PSMD6: variants seen among roughly 807,000 people sequenced by gnomAD.
The protein encoded by PSMD6 is 26S proteasome non-ATPase regulatory subunit 6.
In PSMD6, 7 loss-of-function variants were observed where a neutral mutation model predicts 44.9. The ratio of observed to expected loss-of-function variants is 0.16; its 90% confidence interval spans 0.09 to 0.29. The LOEUF (loss-of-function observed/expected upper bound fraction) is 0.29, where lower values mean the gene tolerates loss of function less well. Ranked by LOEUF, PSMD6 falls within the 10% of genes least tolerant of loss-of-function variation. PSMD6 has a pLI of 1.00. For missense variants in PSMD6, 420 were observed against 482.6 expected (o/e 0.87, Z 1.21); for synonymous variants, 184 against 172.7 (o/e 1.07, Z -0.51).
In PSMD6 at chr3:64,011,198, A is replaced by G. The variant is rs7636674; in HGVS notation, c.996-243T>C. ...AGATAGAAAGTAGATCAAACAATGA[A>G]ACCATATGTACTCAGAGAAAAACTG... On this transcript the variant is annotated intron_variant, in intron 6 of 7. Coordinates refer to ENST00000295901, the MANE Select transcript of PSMD6 (RefSeq NM_014814.3). 3.3e-3 allele frequency: 1,200 copies of G among 365,118 alleles called. 15 individuals are homozygous for G. The highest frequency in any genetic ancestry group is 0.023 in the African/African-American group (1,112 of 47,516). The allele number at this position is 365,118 out of a possible 1,614,324, so 22.6% of individuals were successfully genotyped here.
intron 6 of PSMD6, chr3:64,012,722 T>G (rs933711137): frequency 6.6e-6 from 1 of 152,342 alleles, no homozygotes; most frequent in African/African-American, 2.4e-5. Flanking sequence ...CTTAGCCTTT[T>G]CTATTCCCTT....
intron 3 of PSMD6, 104 bp downstream of exon 3, chr3:64,019,192 G>T (rs542981562): frequency 1.4e-5 from 20 of 1,428,140 alleles, no homozygotes; most frequent in Middle Eastern, 2.0e-4. Flanking sequence ...TCAATTATTT[G>T]ACCAAACTTA....
rs1576035437 is a variant in PSMD6, at chr3:64,019,644, T to TA, written c.352-204dup. On this transcript the variant is annotated intron_variant, in intron 2 of 7. Transcript: ENST00000295901. ...CTACTTTCTCTACCTGTATAAAGTT[T>TA]AAAAAATACATAAGAAATGCCCAAG... is the stretch of plus-strand genomic sequence containing the variant. The TA allele has an allele frequency of 2.3e-5, 11 of 475,510 alleles. No individual in the cohort carries two copies. In the South Asian group the frequency reaches 5.7e-4, roughly 25 times the overall value. 29.5% of individuals were successfully genotyped at this position (475,510 alleles called of 1,614,324 possible).
intron 2 of PSMD6, among the ~76,000 whole-genome samples, chr3:64,020,297 G>A (rs898760589): frequency 2.0e-5 from 3 of 152,068 alleles, no homozygotes; most frequent in Non-Finnish European, 4.4e-5. Flanking sequence ...AGTCCATTAA[G>A]TATTTAGTAA....
Position 64,018,611 on chromosome 3 carries a change from A to G in PSMD6, c.814T>C (p.Phe272Leu). The change falls in exon 5 of 8, where the codon TTC (phenylalanine) becomes CTC (leucine). Residue 272 changes from phenylalanine to leucine, a missense_variant. Phe to Leu is a conservative substitution (Grantham distance 22). Transcript: ENST00000295901. ...ACCCTATCCTTACCTAATGATTGGA[A>G]GAAAACAGAGTAACGGCATTCATAG... is the stretch of plus-strand genomic sequence containing the variant. Reference protein sequence around the residue: ...SLYECRYSVFFQSLAVVEQEM... With the variant: ...SLYECRYSVFLQSLAVVEQEM... 1.3e-6 allele frequency: 2 copies of G among 1,566,492 alleles called. No individual in the cohort carries two copies. Among genetic ancestry groups the G allele is most frequent in the South Asian group, 2.2e-5 (2 of 89,868 alleles).
intron 6 of PSMD6, 168 bp from the exon 7 acceptor site, chr3:64,011,123 A>AAG: frequency 1.9e-6 from 1 of 538,958 alleles, no homozygotes. Context: ...TGCAGGCTTT[A>AAG]AGTCATCATC....
At chr3:64,023,497 CGAA>C, upstream of PSMD6, 1 of 1,451,510 alleles carries the variant, frequency 6.9e-7, no homozygotes, top group Non-Finnish European at 9.1e-7. Flanking sequence ...GAGGAGTCGG[CGAA>C]TACGCCCGGC....
At chr3:64,021,477 G>A (rs2076130455) in intron 2 of PSMD6, among the ~76,000 whole-genome samples, 1 of 152,098 alleles carries the variant, frequency 6.6e-6, no homozygotes, top group African/African-American at 2.4e-5. Flanking sequence ...TTCTTTCATT[G>A]AGCATTTATA....
At chr3:64,019,069 G>T (rs761674688) in intron 3 of PSMD6, 32 bp from the exon 4 acceptor site, 2 of 1,552,948 alleles carry the variant, frequency 1.3e-6, no homozygotes, top group Non-Finnish European at 1.8e-6. Flanking sequence ...ATCATAGTCT[G>T]GAAACAGACA....
intron 2 of PSMD6, among the ~76,000 whole-genome samples, chr3:64,020,883 C>G (rs915593263): frequency 2.0e-5 from 3 of 152,106 alleles, no homozygotes; most frequent in Admixed American, 1.3e-4. Flanking sequence ...CCATGTCATT[C>G]TATACCTAAA....
chr3:64,023,882 T>A, upstream of PSMD6: 3 of 1,419,896 alleles, frequency 2.1e-6, no homozygotes, highest in Non-Finnish European at 2.9e-6. Flanking sequence ...ATTAGCCTAT[T>A]TAGTAGGTAA....
At chr3:64,022,817 G>A in intron 1 of PSMD6, 1 of 1,536,006 alleles carries the variant, frequency 6.5e-7, no homozygotes, top group Non-Finnish European at 8.7e-7. Flanking sequence ...AACAGGGAAA[G>A]ACTTTTTATA....
At chr3:64,018,461 T>C in intron 5 of PSMD6, 138 bp downstream of exon 5, 1 of 636,016 alleles carries the variant, frequency 1.6e-6, no homozygotes, top group Non-Finnish European at 2.7e-6. Flanking sequence ...CTGGGCACAT[T>C]AGGAATACTG....
At position 64,013,533 on chromosome 3, in the gene PSMD6, T is replaced by C; in HGVS notation, c.901A>G (p.Ile301Val). 1.2e-6 allele frequency: 2 copies of C among 1,613,684 alleles called. No homozygotes were observed. The highest frequency in any genetic ancestry group is 1.7e-6 in the Non-Finnish European group (2 of 1,179,712). Residue 301 changes from isoleucine to valine, a missense_variant, in exon 6 of 8, where the codon ATT becomes GTT. Coordinates refer to ENST00000295901, the MANE Select transcript of PSMD6 (RefSeq NM_014814.3). ...TCCAGCAGCTGACTGTATGCATGAA[T>C]TCTCATTTCTCTTACATAGTATCGA... is the stretch of plus-strand genomic sequence containing the variant. ...HYRYYVREMR[I>V]HAYSQLLESY...
chr3:64,014,062 G>C (rs1263353935), intron 5 of PSMD6: 2 of 152,744 alleles, frequency 1.3e-5, no homozygotes, highest in Non-Finnish European at 2.9e-5. Flanking sequence ...AGAAAGCAAA[G>C]ACTGATGACT....
intron 2 of PSMD6, among the ~76,000 whole-genome samples, chr3:64,021,593 G>C (rs1278399136): frequency 6.6e-6 from 1 of 152,214 alleles, no homozygotes; most frequent in Non-Finnish European, 1.5e-5. Context: ...TGGATCACCT[G>C]AGGTCAGGAG....
At chr3:64,013,727 C>A (rs897202499) in intron 5 of PSMD6, 120 bp from the exon 6 acceptor site, 1 of 889,682 alleles carries the variant, frequency 1.1e-6, no homozygotes. Flanking sequence ...AAATTTCTCA[C>A]TGCCCTTCCA....
At chr3:64,013,962 CAG>C (rs1157903931) in intron 5 of PSMD6, 5 of 166,814 alleles carry the variant, frequency 3.0e-5, no homozygotes, top group South Asian at 3.8e-4. Context: ...ACAATTCTAA[CAG>C]AGAAACAGCA....
chr3:64,023,222 C>A lies in PSMD6; in HGVS notation c.145+53G>T, dbSNP rs139959634. 4,446 of 1,494,446 alleles carry A rather than the reference C, an allele frequency of 3.0e-3. 92 individuals are homozygous for A. The highest frequency in any genetic ancestry group is 0.028 in the African/African-American group (1,941 of 70,086). 92.6% of individuals were successfully genotyped at this position (1,494,446 alleles called of 1,614,324 possible). On this transcript the variant is annotated intron_variant, in intron 1 of 7. Coordinates refer to ENST00000295901, the MANE Select transcript of PSMD6 (RefSeq NM_014814.3). ...AAAAAAGTCCCCGCAGGCTCCGGAA[C>A]GCGGGGACGGCCCAGGCCTAGGCCG...
Sources: allele counts gnomAD v4.1 joint callset (sites outside exome capture counted in the v4.1 genomes callset), GRCh38; gene constraint gnomAD v4.1.1; transcripts MANE v1.5; gene names NCBI Gene and HGNC (gene_info 2026-07-23, HGNC 2026-07-21).